The following AGT variants were observed in gnomAD, a reference collection of about 807,000 sequenced individuals.
AGT encodes the protein alpha-1 antiproteinase, antitrypsin.
AGT carries 26 observed loss-of-function variants against 28.1 expected under a neutral mutation model. That is an observed-to-expected ratio of 0.92 (90% CI 0.68 to 1.28). AGT has a LOEUF of 1.28. Among genes scored for constraint, AGT ranks in the 50% most tolerant of loss-of-function variants. The pLI is 0.00. For missense variants in AGT, 596 were observed against 592.3 expected (o/e 1.01, Z -0.06); for synonymous variants, 259 against 259.6 (o/e 1.00, Z 0.02).
chr1:230,736,231 A>G (rs1664152510), intron 1 of AGT, among the ~76,000 whole-genome samples: 1 of 152,102 alleles, frequency 6.6e-6, no homozygotes, highest in South Asian at 2.1e-4. Context: ...CCTGAGCATA[A>G]GAATTATTTC....
At chr1:230,723,330 A>C (rs1663881710) in intron 1 of AGT, among the ~76,000 whole-genome samples, 1 of 152,208 alleles carries the variant, frequency 6.6e-6, no homozygotes, top group Admixed American at 6.5e-5. Flanking sequence ...AAATGGACTA[A>C]TACAGGCAGT....
chr1:230,717,657 G>A (rs1345166115), upstream of AGT, among the ~76,000 whole-genome samples: 2 of 152,186 alleles, frequency 1.3e-5, no homozygotes, highest in African/African-American at 2.4e-5. Flanking sequence ...AGGAAGAGGG[G>A]TGGAGCCTAC....
At chr1:230,719,538 G>C (rs1242225323), upstream of AGT, among the ~76,000 whole-genome samples, 2 of 151,866 alleles carry the variant, frequency 1.3e-5, no homozygotes, top group Non-Finnish European at 2.9e-5. Flanking sequence ...CTCCCTAGGA[G>C]CTGGGACTAC....
chr1:230,704,116 G>C (rs1358713026), intron 4 of AGT, 77 bp downstream of exon 4: 1 of 1,608,044 alleles, frequency 6.2e-7, no homozygotes, highest in African/African-American at 1.3e-5. Context: ...AGCCTCCTCT[G>C]TGTCCCTTAC....
At chr1:230,718,594 TAAA>T (rs56906111), upstream of AGT, among the ~76,000 whole-genome samples, 5 of 148,082 alleles carry the variant, frequency 3.4e-5, no homozygotes, top group Admixed American at 6.7e-5. Flanking sequence ...ATATTCACTT[TAAA>T]AAAAAAAAAG....
At chr1:230,742,291 A>T (rs1664261039) in intron 1 of AGT, among the ~76,000 whole-genome samples, 1 of 152,132 alleles carries the variant, frequency 6.6e-6, no homozygotes, top group Non-Finnish European at 1.5e-5. Flanking sequence ...CATACTCTAC[A>T]TGCCATTCTG....
chr1:230,704,412 T>C, intron 3 of AGT, 75 bp from the exon 4 acceptor site: 1 of 1,563,620 alleles, frequency 6.4e-7, no homozygotes, highest in Non-Finnish European at 8.7e-7. Context: ...GGCAGGCTTA[T>C]GCTCCTTGCA....
chr1:230,712,655 C>T (rs997378883), intron 1 of AGT, among the ~76,000 whole-genome samples: 1 of 152,236 alleles, frequency 6.6e-6, no homozygotes, highest in Non-Finnish European at 1.5e-5. Flanking sequence ...CTGGTCGATG[C>T]AGCCCGCTCA....
At chr1:230,740,854 C>CA (rs1404221799) in intron 1 of AGT, among the ~76,000 whole-genome samples, 1 of 152,126 alleles carries the variant, frequency 6.6e-6, no homozygotes. Flanking sequence ...GAGGCTGAGG[C>CA]AGGAGAATAG....
intron 1 of AGT, among the ~76,000 whole-genome samples, chr1:230,740,049 A>G (rs779203647): frequency 1.2e-3 from 187 of 152,208 alleles, no homozygotes; most frequent in Non-Finnish European, 2.0e-3. Context: ...CAAAGGGTGG[A>G]TTATTCATGA....
intron 2 of AGT, among the ~76,000 whole-genome samples, chr1:230,707,403 G>C (rs553604344): frequency 6.6e-6 from 1 of 152,194 alleles, no homozygotes; most frequent in African/African-American, 2.4e-5. Context: ...AGTAGAGATG[G>C]TTCAGAAACA....
In AGT at chr1:230,703,281, T is replaced by G; in HGVS notation, c.1291A>C (p.Thr431Pro). 1.2e-6 allele frequency: 2 copies of G among 1,614,186 alleles called. No homozygotes were observed. Among genetic ancestry groups the G allele is most frequent in the Non-Finnish European group, 8.5e-7 (1 of 1,180,032 alleles). ...TTGTTAAGCTGTTGGGTAGACTCTG[T>G]GGGCTCTCTCTCATCCGCTTCAAGC... ...FELEADEREP[T>P]ESTQQLNKPE... The change falls in exon 5 of 5, where the codon ACA becomes CCA. Residue 431 changes from threonine to proline, a missense_variant. Physicochemically the swap from Thr to Pro is conservative, Grantham distance 38. Coordinates refer to ENST00000366667, the MANE Select transcript of AGT (RefSeq NM_001384479.1).
upstream of AGT, among the ~76,000 whole-genome samples, chr1:230,716,370 T>C (rs2493137): frequency 0.42 from 63,621 of 152,026 alleles, 14,458 homozygotes; most frequent in East Asian, 0.65. Flanking sequence ...ATTCCATCAG[T>C]GGAAGTTAGG....
chr1:230,714,272 C>T (rs11568020), upstream of AGT: 5,875 of 152,474 alleles, frequency 0.039, 161 homozygotes, highest in Admixed American at 0.067. Context: ...GCGACACTCA[C>T]GCTGGGACCT....
intron 2 of AGT, among the ~76,000 whole-genome samples, chr1:230,707,457 G>A (rs1663419779): frequency 6.6e-6 from 1 of 152,238 alleles, no homozygotes; most frequent in Admixed American, 6.5e-5. Context: ...CAGCATGAAA[G>A]TAGGGCAGCT....
intron 3 of AGT, 56 bp from the exon 4 acceptor site, chr1:230,704,393 C>T: frequency 1.3e-6 from 2 of 1,599,638 alleles, no homozygotes; most frequent in Non-Finnish European, 1.7e-6. Flanking sequence ...AGGGCTCTCC[C>T]AGAGGCCAGG....
At chr1:230,725,505 A>G (rs1437885275) in intron 1 of AGT, among the ~76,000 whole-genome samples, 1 of 152,236 alleles carries the variant, frequency 6.6e-6, no homozygotes, top group Non-Finnish European at 1.5e-5. Flanking sequence ...GGAAAAGTCT[A>G]CAATGAAGAG....
At chr1:230,732,084 C>T (rs1017420295) in intron 1 of AGT, among the ~76,000 whole-genome samples, 2 of 152,258 alleles carry the variant, frequency 1.3e-5, no homozygotes, top group South Asian at 4.1e-4. Flanking sequence ...CCTATCTTCT[C>T]TATAGTGACT....
intron 1 of AGT, among the ~76,000 whole-genome samples, chr1:230,742,759 A>G (rs1664269429): frequency 6.6e-6 from 1 of 152,182 alleles, no homozygotes; most frequent in South Asian, 2.1e-4. Context: ...CCCCCAACAG[A>G]GGGCACTAAG....
Sources: allele counts gnomAD v4.1 joint callset (sites outside exome capture counted in the v4.1 genomes callset), GRCh38; gene constraint gnomAD v4.1.1; transcripts MANE v1.5; gene names NCBI Gene and HGNC (gene_info 2026-07-23, HGNC 2026-07-21).